Variants in MAP4 observed in about 807,000 individuals in gnomAD.
The protein encoded by MAP4 is microtubule-associated protein 4.
In MAP4, 76 loss-of-function variants were observed where a neutral mutation model predicts 170.2. That is an observed-to-expected ratio of 0.45 (90% CI 0.37 to 0.54). MAP4 has a LOEUF of 0.54. Ranked by LOEUF, MAP4 falls within the 20% of genes least tolerant of loss-of-function variation. The probability of loss-of-function intolerance (pLI) is 0.00; values close to 1 mark genes in which losing one functional copy is unlikely to be tolerated. For missense variants in MAP4, 2,506 were observed against 2,748.0 expected (o/e 0.91, Z 1.97); for synonymous variants, 909 against 994.5 (o/e 0.91, Z 1.62).
chr3:47,917,980 G>A (rs1049783118), intron 6 of MAP4, among the ~76,000 whole-genome samples: 1 of 151,980 alleles, frequency 6.6e-6, no homozygotes, highest in Non-Finnish European at 1.5e-5. Context: ...ATAGGTACAC[G>A]CCACCACGCT....
At chr3:47,882,126 T>A (rs1417501918) in intron 10 of MAP4, among the ~76,000 whole-genome samples, 1 of 151,898 alleles carries the variant, frequency 6.6e-6, no homozygotes, top group Non-Finnish European at 1.5e-5. Flanking sequence ...TAAAAATACA[T>A]AAATTAGCCG....
intron 10 of MAP4, among the ~76,000 whole-genome samples, chr3:47,884,231 A>G (rs887935646): frequency 6.6e-6 from 1 of 152,164 alleles, no homozygotes; most frequent in African/African-American, 2.4e-5. Context: ...ATCTGTCCTC[A>G]ACGTCACTGA....
At chr3:48,037,280 G>C (rs983643382) in intron 1 of MAP4, among the ~76,000 whole-genome samples, 7 of 152,100 alleles carry the variant, frequency 4.6e-5, no homozygotes, top group African/African-American at 1.4e-4. Flanking sequence ...ATATGAATAA[G>C]AGTGGATAAG....
chr3:47,949,205 C>T (rs760984156), intron 3 of MAP4, among the ~76,000 whole-genome samples: 3 of 152,090 alleles, frequency 2.0e-5, no homozygotes, highest in Non-Finnish European at 4.4e-5. Flanking sequence ...GTGGCTCACG[C>T]CTGTAATCCC....
intron 3 of MAP4, chr3:47,975,439 C>A: frequency 1.3e-6 from 2 of 1,568,268 alleles, no homozygotes; most frequent in Non-Finnish European, 1.7e-6. Context: ...TTGCAGCAGC[C>A]CCAGTGTTGA....
chr3:48,004,857 C>T (rs1427737863), intron 1 of MAP4, among the ~76,000 whole-genome samples: 2 of 152,128 alleles, frequency 1.3e-5, no homozygotes, highest in African/African-American at 4.8e-5. Context: ...CGCCATCAAC[C>T]TTTCCATCTT....
chr3:47,853,392 G>A, intron 19 of MAP4, 40 bp from the exon 20 acceptor site: 8 of 887,690 alleles, frequency 9.0e-6, no homozygotes, highest in Middle Eastern at 7.6e-4. Flanking sequence ...AGGGTCAGTC[G>A]AGGGGGGGAG....
At chr3:47,937,695 C>A (rs1345932996) in intron 3 of MAP4, among the ~76,000 whole-genome samples, 1 of 122,276 alleles carries the variant, frequency 8.2e-6, no homozygotes, top group Non-Finnish European at 1.6e-5. Flanking sequence ...AAGTCTCACT[C>A]TTGTCCCCCA....
upstream of MAP4, chr3:48,016,497 GA>G (rs1553723464): frequency 3.3e-5 from 5 of 152,198 alleles, no homozygotes; most frequent in Non-Finnish European, 7.3e-5. Context: ...CATGATGTCT[GA>G]AGTCTGGTTA....
intron 1 of MAP4, among the ~76,000 whole-genome samples, chr3:48,085,467 T>A (rs78674049): frequency 0.01 from 1,572 of 152,298 alleles, 10 homozygotes; most frequent in Middle Eastern, 0.037. Context: ...TTTGTAAATT[T>A]GAAAATTTTA....
intron 3 of MAP4, among the ~76,000 whole-genome samples, chr3:47,971,632 A>C (rs1216241685): frequency 6.6e-6 from 1 of 152,238 alleles, no homozygotes; most frequent in African/African-American, 2.4e-5. Flanking sequence ...CACTATAAAT[A>C]AGAGTAATTT....
At chr3:47,977,499 A>G (rs1169443876) in intron 3 of MAP4, among the ~76,000 whole-genome samples, 1 of 152,224 alleles carries the variant, frequency 6.6e-6, no homozygotes, top group African/African-American at 2.4e-5. Context: ...GTAGAAAGCT[A>G]AACGCAATGT....
In MAP4 at chr3:47,923,391, A is replaced by G. The variant is rs1189369940; in HGVS notation, c.416-1513T>C. 2.0e-5 allele frequency among the ~76,000 whole-genome samples: 3 copies of G among 151,410 alleles called. No homozygotes were observed. In the East Asian group the frequency reaches 5.9e-4, roughly 30 times the overall value. The stretch of plus-strand genomic sequence containing the variant: ...CGGGAAGTGTGAACAAGCAGAAGGC[A>G]ATATTGGGAAACTTGTTGAGGCTTC... On this transcript the variant is annotated intron_variant, in intron 4 of 20. Coordinates refer to ENST00000683076, the MANE Select transcript of MAP4 (RefSeq NM_001385682.1).
chr3:47,911,655 G>A lies in MAP4; in HGVS notation c.2766C>T (p.Leu922=), dbSNP rs1191172589. The A allele has an allele frequency of 3.3e-6, 5 of 1,536,058 alleles. No homozygotes were observed. The Admixed American group carries it at 7.8e-5, about 24-fold the overall frequency. ...CTTCTGCTAGGGGTCCTTTCAGATT[G>A]AGAGGGCCTACTGACTGGCTTTTAT... ...PVDKSQSVGP[L]NLKGPLAEVS... is the part of the protein sequence containing the mutation. Residue 922 remains leucine, a synonymous_variant, in exon 9 of 21, where the codon CTC becomes CTT. Coordinates refer to ENST00000683076, the MANE Select transcript of MAP4 (RefSeq NM_001385682.1). This position sits in a 1 kb window ranked among gnomAD's most constrained non-coding sequence, Gnocchi z 4.0.
At chr3:47,877,317 CA>C (rs1372091155) in intron 11 of MAP4, 99 bp downstream of exon 11, 1 of 908,372 alleles carries the variant, frequency 1.1e-6, no homozygotes, top group Non-Finnish European at 1.8e-6. Flanking sequence ...AATAACAGCT[CA>C]GAAAAAAGAA....
intron 3 of MAP4, chr3:47,975,178 C>T (rs1159632906): frequency 1.9e-5 from 23 of 1,209,404 alleles, no homozygotes; most frequent in Non-Finnish European, 2.3e-5. Flanking sequence ...ATTAGATAAC[C>T]TTTGTAAAAA....
At chr3:48,034,184 T>C (rs2100117598) in intron 1 of MAP4, among the ~76,000 whole-genome samples, 1 of 152,200 alleles carries the variant, frequency 6.6e-6, no homozygotes, top group Admixed American at 6.6e-5. Context: ...ATTGTGTGGT[T>C]AGCCTATCTG....
Position 47,911,294 on chromosome 3 carries a change from G to A in MAP4, c.3127C>T (p.Gln1043Ter). The part of the protein sequence containing the change: ...SEQLQGQVLV[Q>*]VPGVENEPFK... ...GGTTCATTCTCTACCCCAGGGACCT[G>A]TACCAACACTTGGCCCTGCAGCTGC... Residue 1043 changes from glutamine (Q) to a stop codon, truncating the protein, a stop_gained, in exon 9 of 21, where the codon CAG becomes TAG. Coordinates refer to ENST00000683076, the MANE Select transcript of MAP4 (RefSeq NM_001385682.1). LOFTEE classifies it high-confidence loss of function. This position sits in a 1 kb window ranked among gnomAD's most constrained non-coding sequence, Gnocchi z 4.0. The A allele has an allele frequency of 6.5e-7, 1 of 1,536,102 alleles. No individual in the cohort carries two copies. Among genetic ancestry groups the A allele is most frequent in the Non-Finnish European group, 8.7e-7 (1 of 1,146,908 alleles).
intron 2 of MAP4, among the ~76,000 whole-genome samples, chr3:47,992,903 TAAA>T (rs79093019): frequency 5.1e-5 from 6 of 117,800 alleles, no homozygotes; most frequent in South Asian, 2.7e-4. Context: ...CACTCCATCT[TAAA>T]AAAAAAAAAA....
Sources: gnomAD v4.1 joint callset for allele counts (sites outside exome capture counted in the v4.1 genomes callset) on GRCh38, gnomAD v4.1.1 for gene constraint, Gnocchi (gnomAD v3.1) non-coding constraint, MANE v1.5 for transcripts, NCBI Gene and HGNC (gene_info 2026-07-23, HGNC 2026-07-21) for gene names.